Variants in MYL1 observed in about 807,000 individuals in gnomAD.
MYL1 encodes the protein myosin light chain 1.
Under a neutral mutation model 21.8 loss-of-function variants are expected in MYL1, and 16 were observed. The observed-to-expected ratio is 0.74, with a 90% CI of 0.50 to 1.12. The LOEUF (loss-of-function observed/expected upper bound fraction) is 1.12. MYL1 is among the 50% of genes most tolerant of loss of function. The pLI is 0.00. For missense variants in MYL1, 246 were observed against 241.0 expected (o/e 1.02, Z -0.14); for synonymous variants, 99 against 85.2 (o/e 1.16, Z -0.89).
intron 2 of MYL1, among the ~76,000 whole-genome samples, chr2:210,302,020 T>G (rs934464954): frequency 5.9e-5 from 9 of 152,152 alleles, no homozygotes; most frequent in African/African-American, 2.2e-4. Flanking sequence ...TCTGAATTCA[T>G]TTTTGTTCTA....
At chr2:210,308,296 C>T (rs1182313270) in intron 1 of MYL1, among the ~76,000 whole-genome samples, 2 of 150,864 alleles carry the variant, frequency 1.3e-5, no homozygotes, top group Non-Finnish European at 3.0e-5. Flanking sequence ...CCAGGAAAAG[C>T]ACTATTTTGG....
intron 3 of MYL1, among the ~76,000 whole-genome samples, chr2:210,295,197 A>G (rs1267231968): frequency 3.3e-5 from 5 of 152,230 alleles, no homozygotes; most frequent in Non-Finnish European, 7.3e-5. Flanking sequence ...CTACTTGTCT[A>G]TATTTCTATT....
At chr2:210,299,414 A>T (rs1690230783) in intron 2 of MYL1, among the ~76,000 whole-genome samples, 2 of 152,146 alleles carry the variant, frequency 1.3e-5, no homozygotes, top group Non-Finnish European at 2.9e-5. Context: ...TTATATTATC[A>T]TAACCAAGAT....
At chr2:210,310,179 G>A (rs1342478314) in intron 1 of MYL1, among the ~76,000 whole-genome samples, 1 of 152,032 alleles carries the variant, frequency 6.6e-6, no homozygotes, top group Non-Finnish European at 1.5e-5. Context: ...CTATTAAAAG[G>A]CCAGAGTAAA....
intron 1 of MYL1, among the ~76,000 whole-genome samples, chr2:210,308,166 T>C (rs1053402378): frequency 6.6e-6 from 1 of 151,858 alleles, no homozygotes; most frequent in Admixed American, 6.6e-5. Flanking sequence ...AAAACACTGC[T>C]GTGTGCTCTC....
At chr2:210,296,952 A>T (rs1690182238) in intron 3 of MYL1, among the ~76,000 whole-genome samples, 1 of 151,352 alleles carries the variant, frequency 6.6e-6, no homozygotes, top group Non-Finnish European at 1.5e-5. Context: ...CTTGCAGCAA[A>T]TAATAAAATT....
At position 210,298,154 on chromosome 2, in the gene MYL1, T is replaced by C. The variant is rs1051692079; in HGVS notation, c.304+266A>G. Among the ~76,000 whole-genome samples the C allele has an allele frequency of 3.9e-5, 6 of 152,158 alleles. No individual in the cohort carries two copies. In the East Asian group the frequency reaches 1.2e-3, roughly 29 times the overall value. On this transcript the variant is annotated intron_variant, in intron 3 of 6. Transcript: ENST00000352451. ...CTTAACATTAGATATTAGCATGACA[T>C]TTTACCACGCTTGCAAATTCTCAAA...
intron 1 of MYL1, among the ~76,000 whole-genome samples, chr2:210,303,800 G>A (rs1656233985): frequency 6.6e-6 from 1 of 152,170 alleles, no homozygotes; most frequent in Non-Finnish European, 1.5e-5. Context: ...GGAGTAGACA[G>A]CCATAGTGAG....
chr2:210,303,095 T>A (rs968942120), intron 1 of MYL1: 3 of 405,922 alleles, frequency 7.4e-6, no homozygotes, highest in Non-Finnish European at 1.3e-5. Flanking sequence ...AAAGTACAGA[T>A]ATACACATTA....
At chr2:210,301,524 A>T (rs901956337) in intron 2 of MYL1, among the ~76,000 whole-genome samples, 18 of 152,192 alleles carry the variant, frequency 1.2e-4, no homozygotes, top group African/African-American at 4.1e-4. Flanking sequence ...TATCTAATAT[A>T]TGTAATATAG....
At chr2:210,302,140 G>C (rs1473295815) in intron 2 of MYL1, among the ~76,000 whole-genome samples, 1 of 151,768 alleles carries the variant, frequency 6.6e-6, no homozygotes, top group East Asian at 1.9e-4. Flanking sequence ...CTCTCTTTAA[G>C]GATTATATTA....
intron 1 of MYL1, 53 bp downstream of exon 1, chr2:210,314,858 T>C: frequency 6.2e-7 from 1 of 1,601,784 alleles, no homozygotes. Flanking sequence ...TTCCTAGAGA[T>C]CCTTACTATT....
chr2:210,298,305 C>T (rs959611835), intron 3 of MYL1, 115 bp downstream of exon 3: 2 of 1,177,982 alleles, frequency 1.7e-6, no homozygotes, highest in Non-Finnish European at 2.4e-6. Context: ...CTTTCTCTCT[C>T]TCACACACAC....
At chr2:210,302,703 G>T in intron 1 of MYL1, 188 bp from the exon 2 acceptor site, 1 of 1,543,116 alleles carries the variant, frequency 6.5e-7, no homozygotes, top group Non-Finnish European at 8.8e-7. Flanking sequence ...TTGAAGATAA[G>T]TAATATTGCA....
chr2:210,293,743 T>C lies in MYL1; in HGVS notation c.536A>G (p.Asn179Ser), dbSNP rs778929003. ...TCTACCTTCGTAGTTGATGCAGCCA[T>C]TGGAGTCTTCTTGACCTGCCATCAG... Reference protein sequence around the residue: ...EALMAGQEDSNGCINYEAFVK... With the variant: ...EALMAGQEDSSGCINYEAFVK... Residue 179 changes from asparagine (N) to serine (S), a missense_variant, in exon 5 of 7, where the codon AAT becomes AGT. Coordinates refer to ENST00000352451, the MANE Select transcript of MYL1 (RefSeq NM_079420.3). 3 of 1,614,050 alleles carry C rather than the reference T, an allele frequency of 1.9e-6. No homozygotes were observed. Among genetic ancestry groups the C allele is most frequent in the Admixed American group, 1.7e-5 (1 of 60,018 alleles).
intron 1 of MYL1, among the ~76,000 whole-genome samples, chr2:210,308,964 G>C (rs1277048605): frequency 6.6e-6 from 1 of 151,962 alleles, no homozygotes; most frequent in East Asian, 1.9e-4. Flanking sequence ...GTGACCGCAG[G>C]GATAAGAATA....
At chr2:210,298,370 C>T in intron 3 of MYL1, 50 bp downstream of exon 3, 4 of 1,295,080 alleles carry the variant, frequency 3.1e-6, no homozygotes, top group Non-Finnish European at 3.2e-6. Context: ...ACACACACTG[C>T]TACACACTTC....
At chr2:210,304,813 G>T (rs1021185833) in intron 1 of MYL1, among the ~76,000 whole-genome samples, 2 of 152,160 alleles carry the variant, frequency 1.3e-5, no homozygotes, top group South Asian at 4.1e-4. Context: ...GAGATTACAG[G>T]CATGAGTCAC....
intron 2 of MYL1, among the ~76,000 whole-genome samples, chr2:210,301,666 C>T (rs1314790318): frequency 1.3e-5 from 2 of 152,020 alleles, no homozygotes; most frequent in African/African-American, 4.8e-5. Context: ...ATAAAACATT[C>T]CTCCCTGCAC....
Sources: allele counts gnomAD v4.1 joint callset (sites outside exome capture counted in the v4.1 genomes callset), GRCh38; gene constraint gnomAD v4.1.1; transcripts MANE v1.5; gene names NCBI Gene and HGNC (gene_info 2026-07-23, HGNC 2026-07-21).